Variants in RTP2 observed in about 807,000 individuals in gnomAD.
RTP2 encodes the protein receptor-transporting protein 2.
A neutral mutation model predicts 17.9 loss-of-function variants in RTP2; 12 were observed. The observed-to-expected ratio is 0.67, with a 90% CI of 0.43 to 1.09. The LOEUF (loss-of-function observed/expected upper bound fraction) is 1.09. Among genes scored for constraint, RTP2 ranks in the 50% least tolerant of loss-of-function variants. The pLI is 0.00. For synonymous variants in RTP2, 126 were observed against 117.7 expected, an observed-to-expected ratio of 1.07 and a Z score of -0.46; for missense variants, 327 against 295.7, an observed-to-expected ratio of 1.11 and a Z score of -0.78.
At chr3:187,698,324 G>T in exon 2 of RTP2, 2 of 605,198 alleles carry the variant, frequency 3.3e-6, no homozygotes, top group East Asian at 2.8e-5. Flanking sequence ...TCCAGTGAAA[G>T]AATCATTGCC....
At chr3:187,709,033 A>C in the RTP2 span, among the ~76,000 whole-genome samples, 114 of 148,052 alleles carry the variant, frequency 7.7e-4, no homozygotes, top group African/African-American at 2.5e-3. Flanking sequence ...TAATAATCTC[A>C]TTGTAAAATT....
chr3:187,698,820 T>A, exon 2 of RTP2: 1 of 1,613,140 alleles, frequency 6.2e-7, no homozygotes, highest in Non-Finnish European at 8.5e-7. Context: ...GATGAGGTTG[T>A]CCACCAGGCC....
At position 187,702,058 on chromosome 3, in the gene RTP2, G is replaced by A. The variant is rs201418563; in HGVS notation, c.71C>T (p.Ala24Val). 203 of 1,613,474 alleles carry A rather than the reference G, an allele frequency of 1.3e-4. No individual in the cohort carries two copies. The highest frequency in any genetic ancestry group is 1.6e-4 in the Non-Finnish European group (184 of 1,179,714). ...GTCTATGATGAGCTCCCAGCTGTCC[G>A]CTGGCTTTGCCACCTCCATCTTCTC... Residue 24 changes from alanine to valine, a missense_variant, in exon 1 of 2, where the codon GCG (alanine) becomes GTG (valine). Coordinates refer to ENST00000358241, the Ensembl canonical transcript of RTP2.
At chr3:187,698,362 G>A (rs992502963) in exon 2 of RTP2, 81 of 678,792 alleles carry the variant, frequency 1.2e-4, no homozygotes, top group African/African-American at 6.8e-4. Flanking sequence ...CTCTCATTCC[G>A]CAGATGCATT....
chr3:187,710,692 G>A, the RTP2 span, among the ~76,000 whole-genome samples: 4 of 151,818 alleles, frequency 2.6e-5, no homozygotes, highest in African/African-American at 9.7e-5. Flanking sequence ...CCATTTCTCT[G>A]GACAACCCGG....
At chr3:187,705,886 T>C (rs947315470), upstream of RTP2, among the ~76,000 whole-genome samples, 5 of 152,182 alleles carry the variant, frequency 3.3e-5, no homozygotes, top group Admixed American at 3.3e-4. Context: ...CTTTTTCTTA[T>C]CCAAAAATCA....
At chr3:187,698,348 A>G in exon 2 of RTP2, 1 of 648,992 alleles carries the variant, frequency 1.5e-6, no homozygotes, top group Admixed American at 3.0e-5. Flanking sequence ...CTTCTAATGC[A>G]ATCCTCTCAT....
At chr3:187,703,778 C>T (rs1420869931), upstream of RTP2, among the ~76,000 whole-genome samples, 11 of 152,120 alleles carry the variant, frequency 7.2e-5, no homozygotes, top group Non-Finnish European at 1.3e-4. Flanking sequence ...AATAGTATAC[C>T]CTTGTTCCCA....
chr3:187,711,292 T>C, the RTP2 span, among the ~76,000 whole-genome samples: 1 of 152,184 alleles, frequency 6.6e-6, no homozygotes, highest in Non-Finnish European at 1.5e-5. Context: ...CCCTCATGGA[T>C]TCAGTCTGGG....
chr3:187,706,853 G>A (rs1281633257), upstream of RTP2, among the ~76,000 whole-genome samples: 1 of 152,040 alleles, frequency 6.6e-6, no homozygotes, highest in Non-Finnish European at 1.5e-5. Context: ...CACCCACGTC[G>A]GCCTCCCCAA....
At chr3:187,705,589 T>C (rs1282349039), upstream of RTP2, among the ~76,000 whole-genome samples, 2 of 152,172 alleles carry the variant, frequency 1.3e-5, no homozygotes, top group African/African-American at 4.8e-5. Flanking sequence ...AAGGACCCAT[T>C]AAAGCTGAGT....
upstream of RTP2, among the ~76,000 whole-genome samples, chr3:187,704,693 G>A (rs1422709446): frequency 1.3e-5 from 2 of 152,170 alleles, no homozygotes; most frequent in African/African-American, 2.4e-5. Flanking sequence ...AACCGTAGAC[G>A]ATGCTATAGG....
chr3:187,707,800 G>A, the RTP2 span, among the ~76,000 whole-genome samples: 1 of 152,176 alleles, frequency 6.6e-6, no homozygotes, highest in East Asian at 1.9e-4. Context: ...ATTGGCTGAT[G>A]TCTAAAAATG....
chr3:187,702,588 G>A, upstream of RTP2: 1 of 456,912 alleles, frequency 2.2e-6, no homozygotes, highest in Non-Finnish European at 4.4e-6. Context: ...GACAGGGAAA[G>A]GCAGAGCCTG....
In RTP2 at chr3:187,698,598, C is replaced by T. The variant is rs969588080; in HGVS notation, c.578G>A (p.Gly193Asp). 5.0e-6 allele frequency: 8 copies of T among 1,614,130 alleles called. No individual in the cohort carries two copies. The Admixed American group carries it at 1.0e-4, about 20-fold the overall frequency. Residue 193 changes from glycine (G) to aspartate (D), a missense_variant, in exon 2 of 2, where the codon GGC becomes GAC. Transcript: ENST00000358241. Reference sequence around the variant, plus strand: ...CCAGCGAAGAGACAAGAAGTTGTAGCCGGATCCCGCCTGGGCCCTCGGCTT... The same window carrying T: ...CCAGCGAAGAGACAAGAAGTTGTAGTCGGATCCCGCCTGGGCCCTCGGCTT...
the RTP2 span, among the ~76,000 whole-genome samples, chr3:187,714,612 A>C: frequency 6.6e-6 from 1 of 152,212 alleles, no homozygotes; most frequent in Admixed American, 6.5e-5. Flanking sequence ...GCTAGAATGC[A>C]CCAGTAGAAC....
At chr3:187,713,687 T>C in the RTP2 span, among the ~76,000 whole-genome samples, 2 of 151,816 alleles carry the variant, frequency 1.3e-5, no homozygotes, top group African/African-American at 4.8e-5. Context: ...CCTATGCAAG[T>C]GAAGACTAGG....
the RTP2 span, among the ~76,000 whole-genome samples, chr3:187,710,460 T>C: frequency 6.7e-6 from 1 of 150,162 alleles, no homozygotes; most frequent in Non-Finnish European, 1.5e-5. Flanking sequence ...ATCTATCTTA[T>C]TGGTTCTGTT....
intron 1 of RTP2, among the ~76,000 whole-genome samples, chr3:187,699,776 C>CTCTCTCTCTCTT (rs1717798348): frequency 2.2e-5 from 1 of 45,390 alleles, no homozygotes. Context: ...CACACACACA[C>CTCTCTCTCTCTT]ACACACATAT....
Sources: allele counts gnomAD v4.1 joint callset (sites outside exome capture counted in the v4.1 genomes callset), GRCh38; gene constraint gnomAD v4.1.1; transcripts MANE v1.5; gene names NCBI Gene and HGNC (gene_info 2026-07-23, HGNC 2026-07-21).